Variants in CSMD1 observed in about 807,000 individuals in gnomAD.
CSMD1 encodes the protein CUB and Sushi multiple domains 1.
In CSMD1, 213 loss-of-function variants were observed where a neutral mutation model predicts 417.5. The observed-to-expected ratio is 0.51, with a 90% CI of 0.46 to 0.57. CSMD1 has a LOEUF of 0.57. CSMD1 is among the 20% of genes least tolerant of loss of function. The pLI, the probability that CSMD1 is intolerant of heterozygous loss-of-function variation, is 0.00. For synonymous variants in CSMD1, 2,862 were observed against 1,736.8 expected (o/e 1.65, Z -16.11); for missense variants, 6,923 against 4,529.7 (o/e 1.53, Z -15.17).
At chr8:4,647,571 C>T (rs1803616329) in intron 1 of CSMD1, among the ~76,000 whole-genome samples, 2 of 152,188 alleles carry the variant, frequency 1.3e-5, no homozygotes, top group Non-Finnish European at 2.9e-5. Context: ...CCCTCATCCC[C>T]CACCCCCCAA....
intron 10 of CSMD1, among the ~76,000 whole-genome samples, chr8:3,548,417 C>T (rs1798766957): frequency 6.6e-6 from 1 of 152,006 alleles, no homozygotes; most frequent in Non-Finnish European, 1.5e-5. Context: ...ACACTGCACC[C>T]AGTTTGTAGT....
intron 7 of CSMD1, among the ~76,000 whole-genome samples, chr8:3,669,618 C>T (rs1364834622): frequency 1.3e-5 from 2 of 152,172 alleles, no homozygotes; most frequent in African/African-American, 4.8e-5. Flanking sequence ...GGAAGACAAG[C>T]TGGGTATTCG....
chr8:4,419,505 G>C (rs1471560180), intron 3 of CSMD1, among the ~76,000 whole-genome samples: 1 of 152,040 alleles, frequency 6.6e-6, no homozygotes, highest in African/African-American at 2.4e-5. Context: ...AACAGTAAAA[G>C]CAAATTAATT....
intron 10 of CSMD1, among the ~76,000 whole-genome samples, chr8:3,562,816 C>T (rs562324749): frequency 3.3e-5 from 5 of 151,902 alleles, no homozygotes; most frequent in African/African-American, 7.2e-5. Flanking sequence ...ACAACTAAGG[C>T]GCACTAGGCT....
chr8:3,859,646 TG>T (rs1804556752), intron 5 of CSMD1, among the ~76,000 whole-genome samples: 1 of 152,164 alleles, frequency 6.6e-6, no homozygotes, highest in South Asian at 2.1e-4. Context: ...TCAGTTGACC[TG>T]AAGAGTGAGT....
intron 1 of CSMD1, among the ~76,000 whole-genome samples, chr8:4,831,788 TC>T (rs1800165207): frequency 6.6e-6 from 1 of 151,998 alleles, no homozygotes; most frequent in Non-Finnish European, 1.5e-5. Flanking sequence ...CTGCAGCAGG[TC>T]CCCTTCAGGG....
At chr8:3,061,017 G>A (rs1289505358) in intron 49 of CSMD1, among the ~76,000 whole-genome samples, 1 of 152,124 alleles carries the variant, frequency 6.6e-6, no homozygotes, top group Non-Finnish European at 1.5e-5. Flanking sequence ...ATATGTGTAG[G>A]AACTAAAGAT....
intron 4 of CSMD1, among the ~76,000 whole-genome samples, chr8:4,016,799 G>C (rs1046914101): frequency 6.6e-6 from 1 of 152,132 alleles, no homozygotes; most frequent in Non-Finnish European, 1.5e-5. Context: ...TTTTTTGGTC[G>C]TTGTTTTATT....
At chr8:4,090,650 A>T (rs1800669066) in intron 3 of CSMD1, among the ~76,000 whole-genome samples, 1 of 152,186 alleles carries the variant, frequency 6.6e-6, no homozygotes. Context: ...AACTTAAGTA[A>T]TTTAAGTGAA....
At chr8:3,309,832 T>C (rs1584974891) in intron 23 of CSMD1, among the ~76,000 whole-genome samples, 1 of 152,362 alleles carries the variant, frequency 6.6e-6, no homozygotes, top group East Asian at 1.9e-4. Context: ...ACCCTGCTGA[T>C]GTCTGACTAA....
At chr8:4,171,134 C>T (rs1797740774) in intron 3 of CSMD1, among the ~76,000 whole-genome samples, 4 of 151,890 alleles carry the variant, frequency 2.6e-5, no homozygotes, top group Admixed American at 2.6e-4. Context: ...GTGAGGTATC[C>T]ATGCTCCTGC....
chr8:4,402,547 C>T (rs939930711), intron 3 of CSMD1, among the ~76,000 whole-genome samples: 2 of 152,178 alleles, frequency 1.3e-5, no homozygotes, highest in Non-Finnish European at 2.9e-5. Flanking sequence ...CTCACAGCCT[C>T]TTTATTCTTC....
At chr8:3,880,362 A>C (rs1370225598) in intron 5 of CSMD1, among the ~76,000 whole-genome samples, 1 of 152,212 alleles carries the variant, frequency 6.6e-6, no homozygotes, top group Non-Finnish European at 1.5e-5. Flanking sequence ...ATTGACAGTA[A>C]ACAATATGCC....
intron 3 of CSMD1, among the ~76,000 whole-genome samples, chr8:4,378,068 T>C (rs943515908): frequency 6.6e-6 from 1 of 152,212 alleles, no homozygotes; most frequent in African/African-American, 2.4e-5. Context: ...CTCATTCAAT[T>C]ACAGACTCCG....
At chr8:3,449,639 T>C (rs761391691) in intron 12 of CSMD1, among the ~76,000 whole-genome samples, 1 of 152,050 alleles carries the variant, frequency 6.6e-6, no homozygotes, top group African/African-American at 2.4e-5. Context: ...TGCCTCAGCC[T>C]CCCAAGTAGC....
chr8:3,999,151 C>G (rs1469770086), intron 4 of CSMD1, among the ~76,000 whole-genome samples: 1 of 151,086 alleles, frequency 6.6e-6, no homozygotes, highest in Non-Finnish European at 1.5e-5. Context: ...TTCTTTCTTC[C>G]TTTTCTTTCT....
At chr8:4,910,545 A>C (rs1364875761) in intron 1 of CSMD1, among the ~76,000 whole-genome samples, 1 of 152,122 alleles carries the variant, frequency 6.6e-6, no homozygotes, top group Non-Finnish European at 1.5e-5. Flanking sequence ...GAATCTCTGA[A>C]GCTTTTTTAT....
intron 5 of CSMD1, among the ~76,000 whole-genome samples, chr8:3,832,930 T>C (rs1371011999): frequency 2.6e-5 from 4 of 152,298 alleles, no homozygotes; most frequent in East Asian, 1.9e-4. Context: ...TTTCCTTCAA[T>C]AAAATTATTA....
At chr8:3,939,610 G>A (rs963432971) in intron 5 of CSMD1, among the ~76,000 whole-genome samples, 3 of 152,074 alleles carry the variant, frequency 2.0e-5, no homozygotes, top group East Asian at 3.9e-4. Flanking sequence ...TAACATGGAA[G>A]CAATGAAAGT....
Sources: allele counts gnomAD v4.1 joint callset (sites outside exome capture counted in the v4.1 genomes callset), GRCh38; gene constraint gnomAD v4.1.1; transcripts MANE v1.5; gene names NCBI Gene and HGNC (gene_info 2026-07-23, HGNC 2026-07-21).